VPS13B: variants seen among roughly 807,000 people sequenced by gnomAD.
VPS13B encodes vacuolar protein sorting 13 homolog B.
VPS13B carries 285 observed loss-of-function variants against 426.4 expected under a neutral mutation model. The ratio of observed to expected loss-of-function variants is 0.67; its 90% CI spans 0.61 to 0.74. The LOEUF (loss-of-function observed/expected upper bound fraction) is 0.74, where lower values mean the gene tolerates loss of function less well. Ranked by LOEUF, VPS13B falls within the 30% of genes least tolerant of loss-of-function variation. VPS13B has a pLI of 0.00. For synonymous variants in VPS13B, 1,676 were observed against 1,676.4 expected, an observed-to-expected ratio of 1.00 and a Z score of 0.01; for missense variants, 4,537 against 4,782.6, an observed-to-expected ratio of 0.95 and a Z score of 1.51.
At chr8:99,033,878 A>G (rs371888995) in intron 2 of VPS13B, among the ~76,000 whole-genome samples, 7 of 152,206 alleles carry the variant, frequency 4.6e-5, no homozygotes, top group Middle Eastern at 3.4e-3. Context: ...CCTGGGTGAC[A>G]GGGTGAGACT....
Position 99,425,367 on chromosome 8 carries a change from A to G in VPS13B, c.3083-6170A>G, listed in dbSNP as rs537527124. ...CAGCACATCACAAAGCTTATCCACC[A>G]TGATCAAGTGGGCTTCATCCCTGGG... On this transcript the variant is annotated intron_variant, in intron 21 of 61. Coordinates refer to ENST00000357162, the MANE Select transcript of VPS13B (RefSeq NM_152564.5). Among the ~76,000 whole-genome samples, 78 of 152,340 alleles carry G rather than the reference A, an allele frequency of 5.1e-4. 1 individual carries two copies. The highest frequency in any genetic ancestry group is 3.4e-3 in the Middle Eastern group (1 of 294).
At chr8:99,360,434 G>A (rs1382238983) in intron 19 of VPS13B, among the ~76,000 whole-genome samples, 12 of 150,864 alleles carry the variant, frequency 8.0e-5, no homozygotes, top group African/African-American at 9.8e-5. Flanking sequence ...CCCACCACCT[G>A]CCCGGCTAAT....
intron 16 of VPS13B, among the ~76,000 whole-genome samples, chr8:99,179,566 AC>A (rs1411946027): frequency 2.6e-5 from 4 of 152,146 alleles, no homozygotes; most frequent in African/African-American, 9.7e-5. Flanking sequence ...TCCAGTTGAT[AC>A]TTTTTCTGAC....
intron 35 of VPS13B, among the ~76,000 whole-genome samples, chr8:99,679,882 AT>A (rs1831088512): frequency 6.6e-6 from 1 of 152,222 alleles, no homozygotes; most frequent in African/African-American, 2.4e-5. Flanking sequence ...AGAGAAAAAA[AT>A]ATTATGACCT....
intron 39 of VPS13B, among the ~76,000 whole-genome samples, chr8:99,743,754 G>T (rs1563894726): frequency 6.6e-6 from 1 of 152,196 alleles, no homozygotes; most frequent in Non-Finnish European, 1.5e-5. Flanking sequence ...AAATGGTGCT[G>T]GGAAAACTGG....
Position 99,636,991 on chromosome 8 carries a change from A to G in VPS13B, c.5221-4820A>G, listed in dbSNP as rs563238279. 1.8e-4 allele frequency among the ~76,000 whole-genome samples: 28 copies of G among 152,164 alleles called. 1 individual carries two copies. Among genetic ancestry groups the G allele is most frequent in the African/African-American group, 6.7e-4 (28 of 41,558 alleles). ...ATTGTTCATCTTAAATAAGTTAGGT[A>G]AAGAGTGGGAGAGCTGATGTAACAG... On this transcript the variant is annotated intron_variant, in intron 33 of 61. Coordinates refer to ENST00000357162, the MANE Select transcript of VPS13B (RefSeq NM_152564.5).
At chr8:99,716,033 T>A (rs1017773031) in intron 36 of VPS13B, among the ~76,000 whole-genome samples, 2 of 152,146 alleles carry the variant, frequency 1.3e-5, no homozygotes, top group African/African-American at 4.8e-5. Context: ...AAGCTTTGAA[T>A]CAGGATAATT....
intron 19 of VPS13B, among the ~76,000 whole-genome samples, chr8:99,358,980 T>C (rs3103718): frequency 0.73 from 111,735 of 152,060 alleles, 41,789 homozygotes; most frequent in South Asian, 0.87. Flanking sequence ...AGGTATATAT[T>C]AACAACATAG....
intron 33 of VPS13B, among the ~76,000 whole-genome samples, chr8:99,586,221 G>A (rs1588521009): frequency 6.6e-6 from 1 of 152,134 alleles, no homozygotes; most frequent in East Asian, 1.9e-4. Flanking sequence ...AAACAGTATA[G>A]GTTCCTGATT....
intron 19 of VPS13B, among the ~76,000 whole-genome samples, chr8:99,353,922 T>C (rs948759754): frequency 6.6e-6 from 1 of 152,180 alleles, no homozygotes; most frequent in Non-Finnish European, 1.5e-5. Flanking sequence ...TTTTGCATTC[T>C]ATAAAGCTTT....
At chr8:99,507,081 A>G (rs902248292) in intron 27 of VPS13B, 56 bp from the exon 28 acceptor site, 6 of 1,595,176 alleles carry the variant, frequency 3.8e-6, no homozygotes, top group Non-Finnish European at 5.2e-6. Flanking sequence ...TGTATGTTCA[A>G]TTTCTTAACT....
chr8:99,697,311 C>T (rs1026390998), intron 35 of VPS13B: 1 of 574,620 alleles, frequency 1.7e-6, no homozygotes, highest in Non-Finnish European at 3.1e-6. Context: ...GGATGTCGCG[C>T]CCGAAGGTGT....
intron 24 of VPS13B, among the ~76,000 whole-genome samples, chr8:99,474,080 A>G (rs967987590): frequency 2.6e-5 from 4 of 152,144 alleles, no homozygotes; most frequent in African/African-American, 9.7e-5. Context: ...GGCGTAATCA[A>G]GTTTAAAAAA....
intron 33 of VPS13B, among the ~76,000 whole-genome samples, chr8:99,619,621 C>T (rs72674689): frequency 0.14 from 20,881 of 152,056 alleles, 1,993 homozygotes; most frequent in East Asian, 0.39. Flanking sequence ...TCTGCAATCC[C>T]AGTACTTTGG....
chr8:99,665,902 C>T (rs1025296556), intron 35 of VPS13B, among the ~76,000 whole-genome samples: 3 of 152,062 alleles, frequency 2.0e-5, no homozygotes, highest in African/African-American at 7.2e-5. Flanking sequence ...CTATAAATTA[C>T]CTTGGGCAGT....
chr8:99,370,215 C>T (rs766270518), intron 19 of VPS13B, among the ~76,000 whole-genome samples: 19 of 151,890 alleles, frequency 1.3e-4, no homozygotes, highest in Non-Finnish European at 2.2e-4. Flanking sequence ...GCATTCCATC[C>T]GAGGAGGTAA....
chr8:99,657,384 ATTTTGTC>A (rs1830057925), intron 34 of VPS13B, among the ~76,000 whole-genome samples: 1 of 151,544 alleles, frequency 6.6e-6, no homozygotes, highest in Non-Finnish European at 1.5e-5. Flanking sequence ...AAATAGTGCT[ATTTTGTC>A]TTTAAGTCCT....
At chr8:99,096,073 G>C (rs1846400151) in intron 3 of VPS13B, among the ~76,000 whole-genome samples, 1 of 152,060 alleles carries the variant, frequency 6.6e-6, no homozygotes, top group South Asian at 2.1e-4. Flanking sequence ...AGTTTGTTTT[G>C]ATATCAGCTA....
At chr8:99,829,853 C>G (rs1408496151) in intron 51 of VPS13B, among the ~76,000 whole-genome samples, 2 of 152,172 alleles carry the variant, frequency 1.3e-5, no homozygotes, top group African/African-American at 4.8e-5. Context: ...ACAATCAGGC[C>G]CCTCTTCTGT....
Sources: gnomAD v4.1 joint callset for allele counts (sites outside exome capture counted in the v4.1 genomes callset) on GRCh38, gnomAD v4.1.1 for gene constraint, MANE v1.5 for transcripts, NCBI Gene and HGNC (gene_info 2026-07-23, HGNC 2026-07-21) for gene names.